The following TMEFF2 variants were observed in gnomAD, a reference collection of about 807,000 sequenced individuals.
The protein encoded by TMEFF2 is tomoregulin-2.
Under a neutral mutation model 53.8 loss-of-function variants are expected in TMEFF2, and 28 were observed. The ratio of observed to expected loss-of-function variants is 0.52; its 90% CI spans 0.39 to 0.71. TMEFF2 has a LOEUF of 0.71. Among genes scored for constraint, TMEFF2 ranks in the 30% least tolerant of loss-of-function variants. TMEFF2 has a pLI of 0.00. For synonymous variants in TMEFF2, 162 were observed against 166.3 expected (o/e 0.97, Z 0.20); for missense variants, 353 against 455.2 (o/e 0.78, Z 2.04).
chr2:192,060,310 T>A (rs1306471898), intron 4 of TMEFF2, among the ~76,000 whole-genome samples: 1 of 152,150 alleles, frequency 6.6e-6, no homozygotes, highest in Non-Finnish European at 1.5e-5. Flanking sequence ...CGAGGTATGG[T>A]CTCAGGTTCT....
chr2:192,138,521 T>C (rs1344929065), intron 4 of TMEFF2, among the ~76,000 whole-genome samples: 5 of 152,346 alleles, frequency 3.3e-5, no homozygotes, highest in Middle Eastern at 3.4e-3. Flanking sequence ...TTCACTTTTC[T>C]AATAAGTACA....
intron 5 of TMEFF2, among the ~76,000 whole-genome samples, chr2:192,009,962 T>A (rs2105848416): frequency 6.6e-6 from 1 of 152,334 alleles, no homozygotes; most frequent in South Asian, 2.1e-4. Context: ...TGGTAAATAG[T>A]TTTTGCATGA....
intron 7 of TMEFF2, among the ~76,000 whole-genome samples, chr2:191,992,059 C>T (rs1686122398): frequency 6.6e-6 from 1 of 152,110 alleles, no homozygotes; most frequent in South Asian, 2.1e-4. Context: ...CAATGAGACA[C>T]TTTCCCTCAG....
chr2:192,193,745 GAGAGAGAT>G (rs1265053578), intron 1 of TMEFF2, among the ~76,000 whole-genome samples: 15 of 32,962 alleles, frequency 4.6e-4, no homozygotes, highest in Admixed American at 8.1e-4. Context: ...ATGAGAGAGA[GAGAGAGAT>G]AGATAGATAG....
At chr2:191,964,371 TC>T (rs1692390655) in intron 7 of TMEFF2, among the ~76,000 whole-genome samples, 2 of 63,632 alleles carry the variant, frequency 3.1e-5, no homozygotes, top group Non-Finnish European at 6.1e-5. Flanking sequence ...TTTCTTTCTT[TC>T]TCTTTCTTTC....
At chr2:192,013,143 T>C (rs145943475) in intron 5 of TMEFF2, among the ~76,000 whole-genome samples, 3 of 152,292 alleles carry the variant, frequency 2.0e-5, no homozygotes, top group Non-Finnish European at 1.5e-5. Context: ...CCCTGGACCT[T>C]AGAATAAAAC....
intron 4 of TMEFF2, among the ~76,000 whole-genome samples, chr2:192,132,423 C>G (rs1574401945): frequency 6.6e-6 from 1 of 152,202 alleles, no homozygotes; most frequent in East Asian, 1.9e-4. Context: ...CCTAAAAGGT[C>G]AAAAGGCCAT....
chr2:192,166,032 T>C lies in TMEFF2; in HGVS notation c.439+13636A>G, dbSNP rs778921384. ...CTGAAATGGGCTTGCCTTTTATGACTGTTTGCAGGTGAAGGAAAAGGCACC... is the reference window on the plus strand; with the variant it reads ...CTGAAATGGGCTTGCCTTTTATGACCGTTTGCAGGTGAAGGAAAAGGCACC... On this transcript the variant is annotated intron_variant, in intron 4 of 9. Transcript: ENST00000272771. 2.1e-4 allele frequency among the ~76,000 whole-genome samples: 32 copies of C among 152,156 alleles called. 1 individual carries two copies. The highest frequency in any genetic ancestry group is 3.5e-4 in the Non-Finnish European group (24 of 68,034).
At chr2:192,192,421 T>G (rs921610976) in intron 1 of TMEFF2, among the ~76,000 whole-genome samples, 1 of 152,166 alleles carries the variant, frequency 6.6e-6, no homozygotes, top group African/African-American at 2.4e-5. Flanking sequence ...TAATTGTTCT[T>G]TTGCTTCAAC....
chr2:192,140,353 T>C (rs1690107284), intron 4 of TMEFF2, among the ~76,000 whole-genome samples: 1 of 152,206 alleles, frequency 6.6e-6, no homozygotes, highest in Middle Eastern at 3.2e-3. Flanking sequence ...CATTAAATCA[T>C]TATTTGTTGA....
chr2:192,063,833 A>G (rs1688106199), intron 4 of TMEFF2, among the ~76,000 whole-genome samples: 1 of 151,704 alleles, frequency 6.6e-6, no homozygotes, highest in South Asian at 2.1e-4. Context: ...AGCACTATTC[A>G]GCTTGAAATC....
chr2:192,097,991 A>G (rs1467071645), intron 4 of TMEFF2, among the ~76,000 whole-genome samples: 1 of 151,804 alleles, frequency 6.6e-6, no homozygotes, highest in Non-Finnish European at 1.5e-5. Flanking sequence ...TTGGTGAATG[A>G]CAATTAATTT....
chr2:192,194,279 G>A lies in TMEFF2; in HGVS notation c.172+74C>T, dbSNP rs184083447. 34 of 1,562,446 alleles carry A rather than the reference G, an allele frequency of 2.2e-5. No individual in the cohort carries two copies. The highest frequency in any genetic ancestry group is 3.4e-4 in the Middle Eastern group (2 of 5,812). On this transcript the variant is annotated intron_variant, in intron 1 of 9. Coordinates refer to ENST00000272771, the MANE Select transcript of TMEFF2 (RefSeq NM_016192.4). The surrounding 1 kb of genome is among the most constrained non-coding windows in gnomAD (Gnocchi z 4.2). ...TGAGGGGCTGAGGAGGCGCGCTAGGGTAGGCTGGTCTGTGCTGGATACGCG... is the reference window on the plus strand; with the variant it reads ...TGAGGGGCTGAGGAGGCGCGCTAGGATAGGCTGGTCTGTGCTGGATACGCG...
At chr2:191,964,398 C>CTCTTTCTTTCTTTCTTTCTT (rs58502767) in intron 7 of TMEFF2, among the ~76,000 whole-genome samples, 38 of 51,740 alleles carry the variant, frequency 7.3e-4, no homozygotes, top group South Asian at 9.0e-4. Context: ...TTCTTTCTTT[C>CTCTTTCTTTCTTTCTTTCTT]TCTTTCTTTC....
intron 7 of TMEFF2, among the ~76,000 whole-genome samples, chr2:191,956,941 C>A (rs1692119526): frequency 6.6e-6 from 1 of 151,990 alleles, no homozygotes; most frequent in African/African-American, 2.4e-5. Flanking sequence ...TTTTTGTTGC[C>A]ACAATAAACC....
chr2:192,161,127 T>C (rs1160562340), intron 4 of TMEFF2, among the ~76,000 whole-genome samples: 1 of 152,020 alleles, frequency 6.6e-6, no homozygotes, highest in East Asian at 1.9e-4. Flanking sequence ...CCCGTTTGCA[T>C]ACCAGCGTCC....
At chr2:192,047,802 GA>G (rs1348228565) in intron 5 of TMEFF2, among the ~76,000 whole-genome samples, 3 of 152,146 alleles carry the variant, frequency 2.0e-5, no homozygotes, top group Non-Finnish European at 4.4e-5. Flanking sequence ...TGTTTGTAGG[GA>G]AATGTGTCTG....
intron 4 of TMEFF2, among the ~76,000 whole-genome samples, chr2:192,108,323 T>C (rs999495486): frequency 2.6e-5 from 4 of 151,900 alleles, no homozygotes; most frequent in African/African-American, 9.7e-5. Flanking sequence ...GCAATATTCA[T>C]ATGGATTATT....
At chr2:192,116,914 T>G (rs1689427288) in intron 4 of TMEFF2, among the ~76,000 whole-genome samples, 1 of 150,338 alleles carries the variant, frequency 6.7e-6, no homozygotes, top group African/African-American at 2.4e-5. Context: ...ATCAAACATC[T>G]ATGGCTCAAT....
Sources: gnomAD v4.1 joint callset for allele counts (sites outside exome capture counted in the v4.1 genomes callset) on GRCh38, gnomAD v4.1.1 for gene constraint, Gnocchi (gnomAD v3.1) non-coding constraint, MANE v1.5 for transcripts, NCBI Gene and HGNC (gene_info 2026-07-23, HGNC 2026-07-21) for gene names.